The following OPA3 variants were observed in gnomAD, a reference collection of about 807,000 sequenced individuals.
OPA3 encodes optic atrophy 3 protein.
OPA3 carries 6 observed loss-of-function variants against 4.0 expected under a neutral mutation model. That is an observed-to-expected ratio of 1.51 (90% CI 0.83 to 2.99). The LOEUF (loss-of-function observed/expected upper bound fraction) is 2.99. OPA3 is among the 30% of genes most tolerant of loss of function. The pLI is 0.00. For synonymous variants in OPA3, 105 were observed against 117.1 expected (o/e 0.90, Z 0.67); for missense variants, 235 against 256.2 (o/e 0.92, Z 0.56).
chr19:45,564,523 G>C (rs1969554196), intron 1 of OPA3, among the ~76,000 whole-genome samples: 1 of 152,182 alleles, frequency 6.6e-6, no homozygotes, highest in Non-Finnish European at 1.5e-5. Context: ...GGGCAATGCA[G>C]ACATCAAGAG....
In OPA3 at chr19:45,552,455, T is replaced by C. The variant is rs1969348311; in HGVS notation, c.*1059A>G. Reference sequence around the variant, plus strand: ...GCTCCCGATCTCCCGACCTCCCGACTTCAAATGACCCGCCCACCTCGACCT... The same window carrying C: ...GCTCCCGATCTCCCGACCTCCCGACCTCAAATGACCCGCCCACCTCGACCT... On this transcript the variant is annotated 3_prime_UTR_variant, in exon 2 of 2. Transcript: ENST00000263275. 1 of 153,002 alleles carries C rather than the reference T, an allele frequency of 6.5e-6. No homozygotes were observed. Among genetic ancestry groups the C allele is most frequent in the Non-Finnish European group, 1.4e-5 (1 of 69,026 alleles). The allele number at this position is 153,002 out of a possible 1,614,324, so 9.5% of individuals were successfully genotyped here. A position where few individuals can be genotyped will look rare whatever the true frequency, so the allele number is the denominator to read the frequency against.
At chr19:45,576,298 A>G (rs1599997233) in intron 1 of OPA3, among the ~76,000 whole-genome samples, 1 of 152,320 alleles carries the variant, frequency 6.6e-6, no homozygotes, top group African/African-American at 2.4e-5. Flanking sequence ...TGGGAGGCCA[A>G]GGCAGGTGGA....
At chr19:45,573,746 T>A (rs568586504) in intron 1 of OPA3, among the ~76,000 whole-genome samples, 1 of 152,248 alleles carries the variant, frequency 6.6e-6, no homozygotes, top group East Asian at 1.9e-4. Flanking sequence ...TTAAGTGCTA[T>A]TCGGTACAGA....
At chr19:45,534,436 C>T (rs1183722724) in intron 1 of OPA3, among the ~76,000 whole-genome samples, 1 of 151,456 alleles carries the variant, frequency 6.6e-6, no homozygotes, top group African/African-American at 2.4e-5. Flanking sequence ...GTGGTGGGTG[C>T]CTGTAATCCC....
chr19:45,579,287 C>T (rs1247112205), intron 1 of OPA3, among the ~76,000 whole-genome samples: 1 of 152,138 alleles, frequency 6.6e-6, no homozygotes, highest in Non-Finnish European at 1.5e-5. Flanking sequence ...GTGGTGCAAT[C>T]TCGGCTCACT....
intron 1 of OPA3, among the ~76,000 whole-genome samples, chr19:45,554,200 C>G (rs1171047670): frequency 6.6e-6 from 1 of 152,196 alleles, no homozygotes; most frequent in East Asian, 1.9e-4. Context: ...CTCCCTTAAG[C>G]CACTGCCATC....
rs1235884278 is a variant in OPA3, at chr19:45,552,730, C to CA, written c.*783dup. The CA allele has an allele frequency of 6.6e-6, 1 of 152,392 alleles. No individual in the cohort carries two copies. The highest frequency in any genetic ancestry group is 1.5e-5 in the Non-Finnish European group (1 of 68,554). 9.4% of individuals were successfully genotyped at this position (152,392 alleles called of 1,614,324 possible). A position where few individuals can be genotyped will look rare whatever the true frequency, so the allele number is the denominator to read the frequency against. ...TTGCTCTGTTGCCCAGGCTAGGGTGCAATGGTGCCATCTTGGCTCACCGCA... is the reference window on the plus strand; with the variant it reads ...TTGCTCTGTTGCCCAGGCTAGGGTGCAAATGGTGCCATCTTGGCTCACCGCA... On this transcript the variant is annotated 3_prime_UTR_variant, in exon 2 of 2. Coordinates refer to ENST00000263275, the MANE Select transcript of OPA3 (RefSeq NM_025136.4).
At position 45,551,639 on chromosome 19, in the gene OPA3, G is replaced by T; in HGVS notation, c.*1875C>A. The T allele has an allele frequency of 1.1e-6, 1 of 871,266 alleles. No individual in the cohort carries two copies. The highest frequency in any genetic ancestry group is 1.4e-6 in the Non-Finnish European group (1 of 725,744). 54.0% of individuals were successfully genotyped at this position (871,266 alleles called of 1,614,324 possible). ...TGAATTAAATTCCTGTTGGACTTAA[G>T]CCATCAAGTTCACCACCCAATGGTG... On this transcript the variant is annotated 3_prime_UTR_variant, in exon 2 of 2. Transcript: ENST00000263275.
intron 1 of OPA3, among the ~76,000 whole-genome samples, chr19:45,573,816 G>C (rs1969724079): frequency 6.6e-6 from 1 of 152,208 alleles, no homozygotes; most frequent in African/African-American, 2.4e-5. Flanking sequence ...GGATCTGAGT[G>C]CACGAAGTCT....
chr19:45,545,688 TA>T (rs1969240651), downstream of OPA3, among the ~76,000 whole-genome samples: 1 of 151,324 alleles, frequency 6.6e-6, no homozygotes, highest in African/African-American at 2.4e-5. Context: ...GTATAATACA[TA>T]CATCATATGT....
intron 1 of OPA3, among the ~76,000 whole-genome samples, chr19:45,562,132 GAAGT>G (rs1436276704): frequency 6.6e-6 from 1 of 151,748 alleles, no homozygotes. Flanking sequence ...TGGATCACTT[GAAGT>G]CAGGAGTTCA....
intron 1 of OPA3, among the ~76,000 whole-genome samples, chr19:45,535,116 T>A (rs937217550): frequency 2.0e-5 from 3 of 152,202 alleles, no homozygotes; most frequent in Admixed American, 6.5e-5. Context: ...GAAAAGATTT[T>A]CCTGTCAATG....
chr19:45,570,212 T>C (rs1356005751), intron 1 of OPA3, among the ~76,000 whole-genome samples: 1 of 152,180 alleles, frequency 6.6e-6, no homozygotes, highest in African/African-American at 2.4e-5. Flanking sequence ...TGTTCAGAAA[T>C]CGGCCAGAAG....
At position 45,529,103 on chromosome 19, in the gene OPA3, G is replaced by GT. The variant is rs1969028183; in HGVS notation, c.495_496insA (p.Arg166ThrfsTer67). On this transcript the variant is annotated frameshift_variant, in exon 2 of 2. Coordinates refer to the OPA3 transcript ENST00000323060. LOFTEE classifies it low-confidence loss of function (END_TRUNC). ...ACTGGGGGTGCAGGCGGCGGGTCTC[G>GT]GAGGCAGAGGTGGGCTCGCACCTCC... 6.2e-7 allele frequency: 1 copy of GT among 1,601,772 alleles called. No individual in the cohort carries two copies. Among genetic ancestry groups the GT allele is most frequent in the Admixed American group, 1.7e-5 (1 of 59,600 alleles).
intron 1 of OPA3, among the ~76,000 whole-genome samples, chr19:45,575,296 G>T (rs977082824): frequency 2.0e-5 from 3 of 151,992 alleles, no homozygotes; most frequent in African/African-American, 4.8e-5. Flanking sequence ...TTGCCATGTT[G>T]CCCAGGCTAG....
chr19:45,562,374 A>C (rs1355820020), intron 1 of OPA3, among the ~76,000 whole-genome samples: 1 of 150,788 alleles, frequency 6.6e-6, no homozygotes, highest in Non-Finnish European at 1.5e-5. Flanking sequence ...GAAAAGAAAA[A>C]GGAAAAAGAA....
intron 1 of OPA3, among the ~76,000 whole-genome samples, chr19:45,562,134 A>T (rs1281048827): frequency 1.3e-5 from 2 of 151,660 alleles, no homozygotes; most frequent in Non-Finnish European, 2.9e-5. Flanking sequence ...GATCACTTGA[A>T]GTCAGGAGTT....
intron 1 of OPA3, among the ~76,000 whole-genome samples, chr19:45,572,933 G>C (rs1416200678): frequency 6.6e-6 from 1 of 151,084 alleles, no homozygotes; most frequent in Non-Finnish European, 1.5e-5. Flanking sequence ...GCACAGGCAG[G>C]AAGAGTTTAT....
chr19:45,535,780 TAA>T (rs1969110101), intron 1 of OPA3, among the ~76,000 whole-genome samples: 2 of 148,778 alleles, frequency 1.3e-5, no homozygotes, highest in East Asian at 2.0e-4. Flanking sequence ...TTTTTTTTTT[TAA>T]GAGTTGAGGT....
Sources: allele counts gnomAD v4.1 joint callset (sites outside exome capture counted in the v4.1 genomes callset), GRCh38; gene constraint gnomAD v4.1.1; transcripts MANE v1.5; gene names NCBI Gene and HGNC (gene_info 2026-07-23, HGNC 2026-07-21).